The following MRPL21 variants were observed in gnomAD, a reference collection of about 807,000 sequenced individuals.
MRPL21 encodes mitochondrial ribosomal protein L21.
A neutral mutation model predicts 27.3 loss-of-function variants in MRPL21; 20 were observed. That is an observed-to-expected ratio of 0.73 (90% confidence interval 0.52 to 1.06). The LOEUF is 1.06. Among genes scored for constraint, MRPL21 ranks in the 50% least tolerant of loss-of-function variants. The pLI is 0.00. For missense variants in MRPL21, 249 were observed against 251.4 expected (o/e 0.99, Z 0.06); for synonymous variants, 98 against 101.5 (o/e 0.97, Z 0.21).
chr11:68,896,330 C>A, intron 4 of MRPL21, 185 bp downstream of exon 4: 1 of 703,410 alleles, frequency 1.4e-6, no homozygotes, highest in East Asian at 2.6e-5. Context: ...CAGTGGAAGC[C>A]TGCCCTGCCC....
rs190653793 is a variant in MRPL21 at position 68,899,818 on chromosome 11, G to A, written c.146+730C>T. Among the ~76,000 whole-genome samples, 588 of 152,302 alleles carry A rather than the reference G, an allele frequency of 3.9e-3. 3 individuals are homozygous for A. Among genetic ancestry groups the A allele is most frequent in the African/African-American group, 0.013 (555 of 41,540 alleles). The stretch of plus-strand genomic sequence containing the variant: ...CCCTGGAGTCCCAGCAGCAGTTCCA[G>A]CAGCCAATGTTTTGTGAGTGCTGAC... On this transcript the variant is annotated intron_variant, in intron 2 of 6. Transcript: ENST00000362034.
chr11:68,893,270 A>T, intron 5 of MRPL21, 133 bp downstream of exon 5: 1 of 1,494,836 alleles, frequency 6.7e-7, no homozygotes, highest in Non-Finnish European at 8.9e-7. Context: ...ACTATTATTA[A>T]GTATAAATGT....
intron 4 of MRPL21, among the ~76,000 whole-genome samples, chr11:68,894,661 T>A (rs1396475508): frequency 6.6e-6 from 1 of 152,204 alleles, no homozygotes; most frequent in Non-Finnish European, 1.5e-5. Context: ...AACTTAAATG[T>A]CTAGAGACAA....
chr11:68,896,393 C>T, intron 4 of MRPL21, 122 bp downstream of exon 4: 1 of 1,295,290 alleles, frequency 7.7e-7, no homozygotes, highest in Non-Finnish European at 1.1e-6. Context: ...TGAGCCTCAG[C>T]TTTGTTGGCC....
intron 1 of MRPL21, among the ~76,000 whole-genome samples, chr11:68,901,381 C>A (rs1043305329): frequency 1.3e-5 from 2 of 152,032 alleles, no homozygotes; most frequent in African/African-American, 4.8e-5. Flanking sequence ...CTGATGTAAC[C>A]GTAGATAACG....
Position 68,899,418 on chromosome 11 carries a change from G to A in MRPL21, c.146+1130C>T, listed in dbSNP as rs149346843. 1.4e-4 allele frequency among the ~76,000 whole-genome samples: 22 copies of A among 152,296 alleles called. No homozygotes were observed. In the South Asian group the frequency reaches 4.1e-3, roughly 29 times the overall value. ...GCCCACCCGTCCTGTTGGCTGGCGC[G>A]CAGGAGGGGCTCCACACCAATCTGG... On this transcript the variant is annotated intron_variant, in intron 2 of 6. Transcript: ENST00000362034.
At chr11:68,898,388 C>A (rs181920568) in intron 2 of MRPL21, among the ~76,000 whole-genome samples, 1 of 152,312 alleles carries the variant, frequency 6.6e-6, no homozygotes, top group Admixed American at 6.5e-5. Flanking sequence ...GGACACAGGG[C>A]CAGCAGCTCT....
intron 1 of MRPL21, 65 bp downstream of exon 1, chr11:68,903,658 T>C: frequency 6.5e-7 from 1 of 1,549,296 alleles, no homozygotes; most frequent in Non-Finnish European, 8.9e-7. Context: ...GGCACATACG[T>C]GGCGAGACCG....
intron 2 of MRPL21, 22 bp downstream of exon 2, chr11:68,900,513 GAAAAGAGGCACCA>G (rs753008820): frequency 3.5e-5 from 55 of 1,591,112 alleles, no homozygotes; most frequent in Non-Finnish European, 4.6e-5. Context: ...CAAATGAAAG[GAAAAGAGGCACCA>G]AAACCCACAT....
In MRPL21 at chr11:68,891,389, G is replaced by T; in HGVS notation, c.560C>A (p.Thr187Lys). The T allele has an allele frequency of 6.2e-7, 1 of 1,613,984 alleles. No individual in the cohort carries two copies. The highest frequency in any genetic ancestry group is 8.5e-7 in the Non-Finnish European group (1 of 1,179,970). The stretch of plus-strand genomic sequence containing the variant: ...TATCCGGAGGACAGTCTGCGGGGTC[G>T]TGACGACTGAAAGAAAGGATGTCAC... ...RKNFKKKRIVTTPQTVLRINS... is the reference protein window; with the variant it reads ...RKNFKKKRIVKTPQTVLRINS... The change falls in exon 7 of 7, where the codon ACG becomes AAG. Residue 187 changes from threonine (T) to lysine (K), a missense_variant. Coordinates refer to ENST00000362034, the MANE Select transcript of MRPL21 (RefSeq NM_181514.2).
At chr11:68,897,121 G>GC (rs1351989011) in intron 3 of MRPL21, among the ~76,000 whole-genome samples, 1 of 152,156 alleles carries the variant, frequency 6.6e-6, no homozygotes, top group Non-Finnish European at 1.5e-5. Flanking sequence ...GCAATGAGGA[G>GC]CCCCCCGTAT....
At chr11:68,894,301 C>T (rs1467858743) in intron 4 of MRPL21, among the ~76,000 whole-genome samples, 2 of 152,104 alleles carry the variant, frequency 1.3e-5, no homozygotes, top group Non-Finnish European at 2.9e-5. Flanking sequence ...CTTTTTGTGA[C>T]CCAGAGTCTC....
Position 68,902,639 on chromosome 11 carries a change from A to G in MRPL21, c.88+1084T>C, listed in dbSNP as rs151298317. ...CAATCTTTACAATTGATGAACCTAC[A>G]TTGACACATCATTGTTATCCAAAGT... On this transcript the variant is annotated intron_variant, in intron 1 of 6. Coordinates refer to ENST00000362034, the MANE Select transcript of MRPL21 (RefSeq NM_181514.2). Among the ~76,000 whole-genome samples, 102 of 152,338 alleles carry G rather than the reference A, an allele frequency of 6.7e-4. No individual in the cohort carries two copies. In the East Asian group the frequency reaches 0.014, roughly 20 times the overall value.
At position 68,900,569 on chromosome 11, in the gene MRPL21, T is replaced by C. The variant is rs767047685; in HGVS notation, c.125A>G (p.Gln42Arg). Residue 42 changes from glutamine (Q) to arginine (R), a missense_variant, in exon 2 of 7, where the codon CAG becomes CGG. By Grantham distance (43) the Gln-to-Arg change is conservative. Coordinates refer to ENST00000362034, the MANE Select transcript of MRPL21 (RefSeq NM_181514.2). ...LWSASRRFNS[Q>R]STSYLPGYVP... ...TTACCCTGGTAGATATGAAGTGCTCTGTGAATTGAACCTTCGAGAAGCAGA... is the reference window on the plus strand; with the variant it reads ...TTACCCTGGTAGATATGAAGTGCTCCGTGAATTGAACCTTCGAGAAGCAGA... 7.4e-6 allele frequency: 12 copies of C among 1,613,936 alleles called. No homozygotes were observed. The East Asian group carries it at 1.3e-4, about 18-fold the overall frequency.
rs574122681 is a variant in MRPL21 at position 68,898,747 on chromosome 11, C to T, written c.147-735G>A. Among the ~76,000 whole-genome samples the T allele has an allele frequency of 3.9e-5, 6 of 152,310 alleles. No homozygotes were observed. In the East Asian group the frequency reaches 1.2e-3, roughly 29 times the overall value. On this transcript the variant is annotated intron_variant, in intron 2 of 6. Transcript: ENST00000362034. Reference sequence around the variant, plus strand: ...CAGCTATAGCACTGCGGTCCCCAGCCACTTCCCCTCCCCACCCTCAGGATG... The same window carrying T: ...CAGCTATAGCACTGCGGTCCCCAGCTACTTCCCCTCCCCACCCTCAGGATG...
chr11:68,897,622 G>C, intron 3 of MRPL21: 1 of 440,630 alleles, frequency 2.3e-6, no homozygotes, highest in East Asian at 3.8e-5. Flanking sequence ...GTGCTTAACT[G>C]TGCTAACTGG....
intron 2 of MRPL21, among the ~76,000 whole-genome samples, chr11:68,899,743 G>A (rs1268843537): frequency 2.6e-5 from 4 of 152,174 alleles, no homozygotes; most frequent in African/African-American, 7.2e-5. Flanking sequence ...ATGTTTTGCC[G>A]CTTCTTTGAG....
Position 68,897,921 on chromosome 11 carries a change from T to C in MRPL21, c.232+6A>G. ...CTCTAGCTTCTGTCTCCCAGGGAGG[T>C]CTTACCTGCATGGTGTCTGGTCTCC... On this transcript the variant is annotated splice_donor_region_variant and intron_variant, in intron 3 of 6. Transcript: ENST00000362034. The C allele has an allele frequency of 6.2e-7, 1 of 1,612,780 alleles. No individual in the cohort carries two copies. Among genetic ancestry groups the C allele is most frequent in the East Asian group, 2.2e-5 (1 of 44,852 alleles).
At chr11:68,892,849 G>A in intron 6 of MRPL21, 41 bp downstream of exon 6, 11 of 1,594,480 alleles carry the variant, frequency 6.9e-6, no homozygotes, top group Non-Finnish European at 9.4e-6. Context: ...TGGGCAACCA[G>A]CACCGTGCAA....
Sources: gnomAD v4.1 joint callset for allele counts (sites outside exome capture counted in the v4.1 genomes callset) on GRCh38, gnomAD v4.1.1 for gene constraint, MANE v1.5 for transcripts, NCBI Gene and HGNC (gene_info 2026-07-23, HGNC 2026-07-21) for gene names.